The following ATP8A1 variants were observed in gnomAD, a reference collection of about 807,000 sequenced individuals.
ATP8A1 encodes the protein phospholipid-transporting ATPase IA.
In ATP8A1, 90 loss-of-function variants were observed where a neutral mutation model predicts 177.7. The observed-to-expected ratio is 0.51, with a 90% confidence interval of 0.43 to 0.60. The LOEUF (loss-of-function observed/expected upper bound fraction) is 0.60. ATP8A1 is among the 20% of genes least tolerant of loss of function. The pLI, the probability that ATP8A1 is intolerant of heterozygous loss-of-function variation, is 0.00. For missense variants in ATP8A1, 1,072 were observed against 1,392.8 expected, an observed-to-expected ratio of 0.77 and a Z score of 3.67; for synonymous variants, 493 against 485.9, an observed-to-expected ratio of 1.01 and a Z score of -0.19.
At chr4:42,440,688 T>C (rs1265575835) in intron 33 of ATP8A1, among the ~76,000 whole-genome samples, 4 of 152,202 alleles carry the variant, frequency 2.6e-5, no homozygotes, top group African/African-American at 4.8e-5. Context: ...GCGTTCAATA[T>C]TCATGAGGTA....
At position 42,504,679 on chromosome 4, in the gene ATP8A1, A is replaced by T. The variant is rs114219488; in HGVS notation, c.2087-1165T>A. Among the ~76,000 whole-genome samples, 1,021 of 152,296 alleles carry T rather than the reference A, an allele frequency of 6.7e-3. 7 individuals carry two copies. Among genetic ancestry groups the T allele is most frequent in the African/African-American group, 0.024 (982 of 41,566 alleles). ...CCTATTCACTGGTCTCCCTGATTCTACACTTGCTTCCCTCTGAGTCCATTT... is the reference window on the plus strand; with the variant it reads ...CCTATTCACTGGTCTCCCTGATTCTTCACTTGCTTCCCTCTGAGTCCATTT... On this transcript the variant is annotated intron_variant, in intron 23 of 36. Coordinates refer to ENST00000381668, the MANE Select transcript of ATP8A1 (RefSeq NM_006095.2).
At chr4:42,471,344 G>GAGTCTACAGA (rs1239668720) in intron 25 of ATP8A1, among the ~76,000 whole-genome samples, 2 of 152,144 alleles carry the variant, frequency 1.3e-5, no homozygotes, top group East Asian at 3.9e-4. Flanking sequence ...TATAGAGACT[G>GAGTCTACAGA]AGTCTACAGA....
At chr4:42,542,475 G>C (rs1204152224) in intron 20 of ATP8A1, among the ~76,000 whole-genome samples, 1 of 152,026 alleles carries the variant, frequency 6.6e-6, no homozygotes, top group Non-Finnish European at 1.5e-5. Context: ...TTAAGTTCTA[G>C]GGTACCTGCG....
chr4:42,612,644 C>A (rs1261924051), intron 5 of ATP8A1, among the ~76,000 whole-genome samples: 2 of 151,754 alleles, frequency 1.3e-5, no homozygotes, highest in African/African-American at 4.8e-5. Flanking sequence ...GCTTATATAT[C>A]TCTGGGGCAA....
chr4:42,563,413 C>G (rs1452420682), intron 15 of ATP8A1, among the ~76,000 whole-genome samples: 1 of 152,132 alleles, frequency 6.6e-6, no homozygotes, highest in South Asian at 2.1e-4. Context: ...ATAAGAGAAG[C>G]AGAGCATAAA....
intron 20 of ATP8A1, among the ~76,000 whole-genome samples, chr4:42,534,417 A>G (rs1032308097): frequency 4.6e-5 from 7 of 152,208 alleles, no homozygotes; most frequent in African/African-American, 1.7e-4. Flanking sequence ...AGAACTTCAG[A>G]GCTCAAAGAC....
In ATP8A1 at chr4:42,648,601, A is replaced by G. The variant is rs1057181559; in HGVS notation, c.49+8224T>C. Among the ~76,000 whole-genome samples the G allele has an allele frequency of 3.3e-5, 5 of 152,240 alleles. No individual in the cohort carries two copies. The East Asian group carries it at 7.7e-4, about 23-fold the overall frequency. On this transcript the variant is annotated intron_variant, in intron 1 of 36. Transcript: ENST00000381668. ...GAAACCCAAAAGTACTAAAAGAAAA[A>G]TATAATTGAAAAATTATCTTGAAAA...
rs367799223 is a variant in ATP8A1 at position 42,589,996 on chromosome 4, C to T, written c.524+815G>A. On this transcript the variant is annotated intron_variant, in intron 7 of 36. Coordinates refer to ENST00000381668, the MANE Select transcript of ATP8A1 (RefSeq NM_006095.2). ...CATTCTCAACAATCACTTAGGACAG[C>T]AGTTACTGAAGCAATTCTTAATAGT... Among the ~76,000 whole-genome samples, 63 of 152,168 alleles carry T rather than the reference C, an allele frequency of 4.1e-4. No homozygotes were observed. In the South Asian group the frequency reaches 0.013, roughly 32 times the overall value.
intron 32 of ATP8A1, 79 bp from the exon 33 acceptor site, chr4:42,443,751 C>A (rs999669305): frequency 2.9e-6 from 2 of 685,402 alleles, no homozygotes; most frequent in Non-Finnish European, 5.3e-6. Context: ...CTCTCAAATT[C>A]CCTTATTAAC....
chr4:42,508,277 T>G (rs1239144361), intron 22 of ATP8A1, among the ~76,000 whole-genome samples: 1 of 152,248 alleles, frequency 6.6e-6, no homozygotes, highest in Non-Finnish European at 1.5e-5. Flanking sequence ...GGATTATAGG[T>G]ACGTGCCACC....
chr4:42,558,173 T>C (rs1465297529), intron 15 of ATP8A1, among the ~76,000 whole-genome samples: 2 of 152,238 alleles, frequency 1.3e-5, no homozygotes, highest in Admixed American at 1.3e-4. Flanking sequence ...TTACAAAATA[T>C]TTACTTTTAG....
At chr4:42,415,316 GA>G (rs1713112242) in intron 35 of ATP8A1, among the ~76,000 whole-genome samples, 1 of 152,026 alleles carries the variant, frequency 6.6e-6, no homozygotes, top group African/African-American at 2.4e-5. Context: ...ACTATTTTCA[GA>G]AAAATAATTA....
chr4:42,562,884 G>A lies in ATP8A1; in HGVS notation c.1340+6277C>T, dbSNP rs889007966. On this transcript the variant is annotated intron_variant, in intron 15 of 36. Coordinates refer to ENST00000381668, the MANE Select transcript of ATP8A1 (RefSeq NM_006095.2). ...CTGCCATGATCGTGAGGCTTACCCA[G>A]CCACGTGGAACTGTAAGTCCAATAA... 2.0e-5 allele frequency among the ~76,000 whole-genome samples: 3 copies of A among 152,214 alleles called. No individual in the cohort carries two copies. The East Asian group carries it at 5.8e-4, about 29-fold the overall frequency.
chr4:42,544,862 A>G (rs7675881), intron 19 of ATP8A1, among the ~76,000 whole-genome samples: 8,159 of 152,246 alleles, frequency 0.054, 297 homozygotes, highest in Non-Finnish European at 0.082. Flanking sequence ...AGAGGTATTT[A>G]GAAATATTTC....
chr4:42,519,693 C>T (rs1725912128), intron 22 of ATP8A1, among the ~76,000 whole-genome samples: 2 of 152,170 alleles, frequency 1.3e-5, no homozygotes, highest in Admixed American at 1.3e-4. Flanking sequence ...GAGATGGACA[C>T]AGAATCAGTC....
Position 42,581,618 on chromosome 4 carries a change from C to T in ATP8A1, c.834+3G>A. Reference sequence around the variant, plus strand: ...CAAAAGGTTTCATAGAGAAAAATTTCACCTGCATCAGCTTGGTGTCATGTC... The same window carrying T: ...CAAAAGGTTTCATAGAGAAAAATTTTACCTGCATCAGCTTGGTGTCATGTC... On this transcript the variant is annotated splice_donor_region_variant and intron_variant, in intron 10 of 36. Transcript: ENST00000381668. 6.2e-7 allele frequency: 1 copy of T among 1,610,998 alleles called. No homozygotes were observed. The highest frequency in any genetic ancestry group is 8.5e-7 in the Non-Finnish European group (1 of 1,177,208).
At chr4:42,618,674 C>T (rs1199086125) in intron 4 of ATP8A1, among the ~76,000 whole-genome samples, 1 of 152,178 alleles carries the variant, frequency 6.6e-6, no homozygotes, top group Non-Finnish European at 1.5e-5. Context: ...ACTACAGTAA[C>T]AAGTGACAAA....
chr4:42,485,492 T>C lies in ATP8A1; in HGVS notation c.2324+4A>G. 1.2e-6 allele frequency: 2 copies of C among 1,606,692 alleles called. No homozygotes were observed. Among genetic ancestry groups the C allele is most frequent in the Non-Finnish European group, 1.7e-6 (2 of 1,176,718 alleles). ...AAAATCTGACAATGATAAGGAGAAC[T>C]TACCGACAGCAAATGACAGCTTTGC... On this transcript the variant is annotated splice_donor_region_variant and intron_variant, in intron 25 of 36. Transcript: ENST00000381668.
chr4:42,602,176 C>T (rs1294004954), intron 5 of ATP8A1, among the ~76,000 whole-genome samples: 1 of 152,198 alleles, frequency 6.6e-6, no homozygotes, highest in African/African-American at 2.4e-5. Flanking sequence ...AATATCTTAA[C>T]CGCAGAAGTT....
Sources: allele counts gnomAD v4.1 joint callset (sites outside exome capture counted in the v4.1 genomes callset), GRCh38; gene constraint gnomAD v4.1.1; transcripts MANE v1.5; gene names NCBI Gene and HGNC (gene_info 2026-07-23, HGNC 2026-07-21).